PRKG1: variants seen among roughly 807,000 people sequenced by gnomAD.
The protein encoded by PRKG1 is protein kinase cGMP-dependent 1, also known as cGMP-dependent protein kinase 1.
PRKG1 carries 35 observed loss-of-function variants against 88.1 expected under a neutral mutation model. The observed-to-expected ratio is 0.40, with a 90% CI of 0.30 to 0.53. PRKG1 has a LOEUF of 0.53. Ranked by LOEUF, PRKG1 falls within the 20% of genes least tolerant of loss-of-function variation. The probability of loss-of-function intolerance (pLI) is 0.59; values close to 1 mark genes in which losing one functional copy is unlikely to be tolerated. For missense variants in PRKG1, 540 were observed against 839.8 expected (o/e 0.64, Z 4.41); for synonymous variants, 303 against 292.5 (o/e 1.04, Z -0.37).
chr10:51,498,234 G>A (rs897581520), intron 3 of PRKG1, among the ~76,000 whole-genome samples: 1 of 152,138 alleles, frequency 6.6e-6, no homozygotes, highest in Admixed American at 6.6e-5. Context: ...TAATTATTTA[G>A]CAACTTCCAC....
chr10:51,441,807 T>C (rs1430432510), intron 2 of PRKG1, among the ~76,000 whole-genome samples: 1 of 152,114 alleles, frequency 6.6e-6, no homozygotes, highest in East Asian at 1.9e-4. Flanking sequence ...TTCTCCTGAG[T>C]CATATTACAC....
At chr10:51,815,004 A>G (rs892835399) in intron 4 of PRKG1, among the ~76,000 whole-genome samples, 3 of 152,142 alleles carry the variant, frequency 2.0e-5, no homozygotes, top group Non-Finnish European at 4.4e-5. Flanking sequence ...CCAAGAAAAG[A>G]CTAAGTCCTC....
chr10:51,635,041 C>T (rs1839621209), intron 3 of PRKG1, among the ~76,000 whole-genome samples: 1 of 152,026 alleles, frequency 6.6e-6, no homozygotes, highest in South Asian at 2.1e-4. Context: ...ACCCCCATGA[C>T]ATGTAATTTA....
intron 2 of PRKG1, among the ~76,000 whole-genome samples, chr10:51,387,550 A>G (rs189642499): frequency 4.1e-4 from 62 of 152,094 alleles, no homozygotes; most frequent in African/African-American, 1.4e-3. Context: ...TGCCAACCCA[A>G]TGATGAACCC....
intron 7 of PRKG1, among the ~76,000 whole-genome samples, chr10:52,080,262 C>T (rs1157049940): frequency 6.6e-6 from 1 of 152,140 alleles, no homozygotes; most frequent in Non-Finnish European, 1.5e-5. Flanking sequence ...AGGTCCTGCT[C>T]ATCCTTCTTG....
At chr10:51,357,749 T>C (rs1842397111) in intron 2 of PRKG1, among the ~76,000 whole-genome samples, 1 of 151,982 alleles carries the variant, frequency 6.6e-6, no homozygotes, top group Non-Finnish European at 1.5e-5. Flanking sequence ...TCCTTTGATA[T>C]ATTATAGCCC....
At chr10:51,009,786 T>C (rs1008827504) in intron 1 of PRKG1, among the ~76,000 whole-genome samples, 1 of 152,226 alleles carries the variant, frequency 6.6e-6, no homozygotes, top group African/African-American at 2.4e-5. Flanking sequence ...TTCTTGAAGA[T>C]ATAAAATATT....
intron 1 of PRKG1, among the ~76,000 whole-genome samples, chr10:51,036,566 CATCTT>C (rs1341283981): frequency 1.3e-5 from 2 of 151,998 alleles, no homozygotes; most frequent in African/African-American, 4.8e-5. Flanking sequence ...TCAAATGACT[CATCTT>C]TTCTTTTCAT....
At chr10:51,541,144 A>G (rs1287306795) in intron 3 of PRKG1, among the ~76,000 whole-genome samples, 1 of 152,324 alleles carries the variant, frequency 6.6e-6, no homozygotes, top group East Asian at 1.9e-4. Flanking sequence ...GGATGGCTTC[A>G]GGATGAAGTT....
At chr10:51,428,024 T>C (rs778841785) in intron 2 of PRKG1, among the ~76,000 whole-genome samples, 1 of 152,010 alleles carries the variant, frequency 6.6e-6, no homozygotes, top group Non-Finnish European at 1.5e-5. Flanking sequence ...ACAGTAAGAG[T>C]AGAGACAGAG....
At position 51,328,337 on chromosome 10, in the gene PRKG1, C is replaced by T. The variant is rs193117563; in HGVS notation, c.479-139386C>T. 6.9e-3 allele frequency among the ~76,000 whole-genome samples: 1,053 copies of T among 152,254 alleles called. 10 individuals are homozygous for T. Among genetic ancestry groups the T allele is most frequent in the Middle Eastern group, 0.02 (6 of 294 alleles). On this transcript the variant is annotated intron_variant, in intron 2 of 17. Coordinates refer to ENST00000373980, the MANE Select transcript of PRKG1 (RefSeq NM_006258.4). ...TCTTTTTAGAAGGTTGAATAGTATT[C>T]CATTGTACATGTTTGTGACATTTTC...
chr10:52,139,316 C>T (rs1837511225), intron 8 of PRKG1, among the ~76,000 whole-genome samples: 1 of 152,058 alleles, frequency 6.6e-6, no homozygotes, highest in Non-Finnish European at 1.5e-5. Context: ...GTAGGAAAAC[C>T]TCAGTGCCTT....
intron 12 of PRKG1, among the ~76,000 whole-genome samples, chr10:52,278,770 G>T (rs747070230): frequency 6.6e-6 from 1 of 151,982 alleles, no homozygotes; most frequent in Non-Finnish European, 1.5e-5. Context: ...GGGCATGGTG[G>T]TGCGTGCCTG....
intron 3 of PRKG1, among the ~76,000 whole-genome samples, chr10:51,708,272 C>T (rs748967534): frequency 9.9e-5 from 15 of 152,120 alleles, no homozygotes; most frequent in Non-Finnish European, 2.1e-4. Context: ...CCTGTAGGAA[C>T]ACCCATTGTA....
chr10:51,207,868 T>C (rs1838104240), intron 2 of PRKG1, among the ~76,000 whole-genome samples: 1 of 152,204 alleles, frequency 6.6e-6, no homozygotes, highest in Non-Finnish European at 1.5e-5. Flanking sequence ...AATTTCTCTC[T>C]TCTAATAAAT....
chr10:52,293,085 A>G (rs1204018274), intron 17 of PRKG1, among the ~76,000 whole-genome samples: 5 of 149,794 alleles, frequency 3.3e-5, no homozygotes, highest in African/African-American at 9.8e-5. Context: ...AAATCAATGT[A>G]CAAAAATCAC....
chr10:51,909,349 G>A (rs927060865), intron 5 of PRKG1: 1 of 152,092 alleles, frequency 6.6e-6, no homozygotes, highest in East Asian at 1.9e-4. Flanking sequence ...ACCAAATGCG[G>A]ATGAATACAA....
chr10:50,994,702 C>T (rs1358122265), intron 1 of PRKG1, among the ~76,000 whole-genome samples: 1 of 151,746 alleles, frequency 6.6e-6, no homozygotes, highest in Non-Finnish European at 1.5e-5. Flanking sequence ...TCAAAATACC[C>T]AGTTTTTATA....
chr10:51,990,429 C>T (rs1844274988), intron 5 of PRKG1, among the ~76,000 whole-genome samples: 1 of 152,036 alleles, frequency 6.6e-6, no homozygotes, highest in Non-Finnish European at 1.5e-5. Flanking sequence ...GGAGTATGCA[C>T]ATTTTAGTAA....
Sources: allele counts gnomAD v4.1 joint callset (sites outside exome capture counted in the v4.1 genomes callset), GRCh38; gene constraint gnomAD v4.1.1; transcripts MANE v1.5; gene names NCBI Gene and HGNC (gene_info 2026-07-23, HGNC 2026-07-21).